Variants in FAM184B observed in about 807,000 individuals in gnomAD.
FAM184B encodes family with sequence similarity 184 member B.
FAM184B carries 111 observed loss-of-function variants against 135.9 expected under a neutral mutation model. The observed-to-expected ratio is 0.82, with a 90% CI of 0.70 to 0.96. The LOEUF is 0.96. FAM184B is among the 40% of genes least tolerant of loss of function. The pLI, the probability that FAM184B is intolerant of heterozygous loss-of-function variation, is 0.00. For synonymous variants in FAM184B, 552 were observed against 524.8 expected (o/e 1.05, Z -0.71); for missense variants, 1,375 against 1,323.9 (o/e 1.04, Z -0.60).
chr4:17,729,700 C>T (rs543827053), intron 1 of FAM184B, among the ~76,000 whole-genome samples: 36 of 152,208 alleles, frequency 2.4e-4, no homozygotes, highest in South Asian at 6.2e-4. Flanking sequence ...CTGCAGCTGA[C>T]GGTCCTGTCT....
intron 13 of FAM184B, among the ~76,000 whole-genome samples, chr4:17,640,114 G>T (rs1715265253): frequency 6.7e-6 from 1 of 150,298 alleles, no homozygotes; most frequent in Non-Finnish European, 1.5e-5. Context: ...TTACACGCGT[G>T]AGCCACCACA....
intron 14 of FAM184B, among the ~76,000 whole-genome samples, chr4:17,638,461 C>A (rs1715213669): frequency 6.6e-6 from 1 of 151,892 alleles, no homozygotes; most frequent in Non-Finnish European, 1.5e-5. Flanking sequence ...CTCAGCCATG[C>A]AAAGTGCTAG....
At chr4:17,707,602 G>A (rs1030993104) in intron 3 of FAM184B, 47 bp downstream of exon 3, 20 of 1,546,468 alleles carry the variant, frequency 1.3e-5, no homozygotes, top group Non-Finnish European at 1.7e-5. Context: ...GACCAACCTG[G>A]CAGCTAACCT....
At position 17,658,503 on chromosome 4, in the gene FAM184B, C is replaced by T. The variant is rs1715833717; in HGVS notation, c.1884G>A (p.Gln628=). 1 of 1,551,492 alleles carries T rather than the reference C, an allele frequency of 6.4e-7. No individual in the cohort carries two copies. Residue 628 remains glutamine (Q), a synonymous_variant, in exon 10 of 18, where the codon CAG becomes CAA. Coordinates refer to ENST00000265018, the MANE Select transcript of FAM184B (RefSeq NM_015688.2). Reference sequence around the variant, plus strand: ...CCAGGTCCGAGAGCTGCTTGAGTGCCTGCAGGTCCTCCCTGTAGTTGCTGG... The same window carrying T: ...CCAGGTCCGAGAGCTGCTTGAGTGCTTGCAGGTCCTCCCTGTAGTTGCTGG... ...QCTSNYREDL[Q]ALKQLSDLER... is the part of the protein sequence containing the mutation.
chr4:17,745,280 G>A (rs112500289), intron 1 of FAM184B, among the ~76,000 whole-genome samples: 69 of 152,280 alleles, frequency 4.5e-4, no homozygotes, highest in African/African-American at 1.5e-3. Context: ...GAGGTTGGCC[G>A]CTCAGACCTC....
chr4:17,705,319 G>T, intron 4 of FAM184B, 113 bp from the exon 5 acceptor site: 1 of 774,078 alleles, frequency 1.3e-6, no homozygotes, highest in Non-Finnish European at 2.0e-6. Context: ...TTTACAGCAT[G>T]TAGCACAAGG....
chr4:17,709,803 A>G (rs6449332), intron 1 of FAM184B, among the ~76,000 whole-genome samples, 159 bp from the exon 2 acceptor site: 108,252 of 152,036 alleles, frequency 0.71, 39,587 homozygotes, highest in Non-Finnish European at 0.8. Flanking sequence ...CTGTTCCCAG[A>G]AGAAGCCAGT....
chr4:17,647,053 G>A (rs570202392), intron 12 of FAM184B, among the ~76,000 whole-genome samples: 16 of 152,258 alleles, frequency 1.1e-4, no homozygotes, highest in African/African-American at 1.9e-4. Flanking sequence ...CAGCTGCATC[G>A]AGGGCCTATC....
At chr4:17,761,433 G>A (rs1718544545) in intron 1 of FAM184B, among the ~76,000 whole-genome samples, 1 of 152,188 alleles carries the variant, frequency 6.6e-6, no homozygotes, top group Admixed American at 6.5e-5. Context: ...CCACTCTGTG[G>A]CATTCTGTTA....
intron 1 of FAM184B, among the ~76,000 whole-genome samples, chr4:17,751,945 G>A (rs1718303963): frequency 1.4e-5 from 2 of 141,770 alleles, no homozygotes; most frequent in Admixed American, 7.3e-5. Context: ...CACGGAATAA[G>A]AAAAAAGGAG....
rs762642185 is a variant in FAM184B at position 17,652,146 on chromosome 4, T to TTTTTTG, written c.2191+683_2191+684insCAAAAA. 3.9e-4 allele frequency among the ~76,000 whole-genome samples: 51 copies of TTTTTTG among 131,920 alleles called. 3 individuals carry two copies. Among genetic ancestry groups the TTTTTTG allele is most frequent in the Non-Finnish European group, 4.9e-4 (31 of 63,328 alleles). 86.5% of individuals were successfully genotyped at this position (131,920 alleles called of 152,430 possible). A position where few individuals can be genotyped will look rare whatever the true frequency, so the allele number is the denominator to read the frequency against. On this transcript the variant is annotated intron_variant, in intron 11 of 17. Coordinates refer to ENST00000265018, the MANE Select transcript of FAM184B (RefSeq NM_015688.2). ...TTTAATATCTTTTTTTTTTTTTTTTTTTGAGTCTTGCACTGTCGCCCAGGC... is the reference window on the plus strand; with the variant it reads ...TTTAATATCTTTTTTTTTTTTTTTTTTTTTTGTTGAGTCTTGCACTGTCGCCCAGGC...
intron 1 of FAM184B, among the ~76,000 whole-genome samples, chr4:17,750,068 G>A (rs1432083059): frequency 6.6e-6 from 1 of 152,132 alleles, no homozygotes; most frequent in East Asian, 1.9e-4. Flanking sequence ...CTGCATTAAA[G>A]CTTTTTTCCT....
At chr4:17,671,742 T>C (rs2108948039) in intron 7 of FAM184B, among the ~76,000 whole-genome samples, 1 of 151,970 alleles carries the variant, frequency 6.6e-6, no homozygotes, top group South Asian at 2.1e-4. Context: ...CTTACCAAGA[T>C]AAAGAGAATA....
At chr4:17,659,930 G>C in intron 9 of FAM184B, 28 bp downstream of exon 9, 1 of 1,548,898 alleles carries the variant, frequency 6.5e-7, no homozygotes, top group South Asian at 1.2e-5. Flanking sequence ...CTCAGGAAGG[G>C]GGCACATCCC....
At chr4:17,636,711 G>A (rs1427283183) in intron 14 of FAM184B, 66 bp from the exon 15 acceptor site, 2 of 1,296,308 alleles carry the variant, frequency 1.5e-6, no homozygotes. Flanking sequence ...GGGAGAACAA[G>A]TGCACACGAT....
chr4:17,739,281 C>G (rs969620909), intron 1 of FAM184B, among the ~76,000 whole-genome samples: 1 of 152,176 alleles, frequency 6.6e-6, no homozygotes, highest in African/African-American at 2.4e-5. Context: ...GATCCCCTTC[C>G]AGGCAGAGGA....
At chr4:17,637,122 G>C (rs1276159969) in intron 14 of FAM184B, among the ~76,000 whole-genome samples, 4 of 152,096 alleles carry the variant, frequency 2.6e-5, no homozygotes, top group Non-Finnish European at 4.4e-5. Context: ...CGCCTCCCTG[G>C]TTCAAGCGAT....
At chr4:17,659,612 G>T (rs1046967107) in intron 9 of FAM184B, among the ~76,000 whole-genome samples, 6 of 151,896 alleles carry the variant, frequency 4.0e-5, no homozygotes, top group African/African-American at 1.5e-4. Flanking sequence ...TCAGCCTCCC[G>T]AGTAGCTGGG....
At chr4:17,765,568 T>TA (rs922330390) in intron 1 of FAM184B, among the ~76,000 whole-genome samples, 2 of 152,210 alleles carry the variant, frequency 1.3e-5, no homozygotes, top group African/African-American at 4.8e-5. Flanking sequence ...AGTTTTTGTA[T>TA]AAAAAACAGT....
Sources: allele counts gnomAD v4.1 joint callset (sites outside exome capture counted in the v4.1 genomes callset), GRCh38; gene constraint gnomAD v4.1.1; transcripts MANE v1.5; gene names NCBI Gene and HGNC (gene_info 2026-07-23, HGNC 2026-07-21).